The following MUC4 variants were observed in gnomAD, a reference collection of about 807,000 sequenced individuals.
MUC4 encodes mucin-4.
In MUC4, 202 loss-of-function variants were observed where a neutral mutation model predicts 257.9. The observed-to-expected ratio is 0.78, with a 90% confidence interval of 0.70 to 0.88. The LOEUF (loss-of-function observed/expected upper bound fraction) is 0.88, where lower values mean the gene tolerates loss of function less well. Ranked by LOEUF, MUC4 falls within the 40% of genes least tolerant of loss-of-function variation. The probability of loss-of-function intolerance (pLI) is 0.00; values close to 1 mark genes in which losing one functional copy is unlikely to be tolerated. For synonymous variants in MUC4, 2,351 were observed against 2,757.1 expected, an observed-to-expected ratio of 0.85 and a Z score of 4.62; for missense variants, 5,976 against 6,513.7, an observed-to-expected ratio of 0.92 and a Z score of 2.84.
intron 12 of MUC4, among the ~76,000 whole-genome samples, chr3:195,763,197 G>C (rs1317768145): frequency 6.6e-6 from 1 of 152,250 alleles, no homozygotes; most frequent in Non-Finnish European, 1.5e-5. Context: ...TTCTTACTAG[G>C]AGAAAACCAA....
rs141572899 is a variant in MUC4, at chr3:195,793,076, T to C, written c.83-1579A>G. ...GCAGTAAACCACCATGGCACATATA[T>C]ACCTGTGTAACAAACCTGCACGTTC... is the stretch of plus-strand genomic sequence containing the variant. On this transcript the variant is annotated intron_variant, in intron 1 of 24. Coordinates refer to ENST00000463781, the MANE Select transcript of MUC4 (RefSeq NM_018406.7). Among the ~76,000 whole-genome samples, 16 of 152,182 alleles carry C rather than the reference T, an allele frequency of 1.1e-4. 1 individual carries two copies. The East Asian group carries it at 3.1e-3, about 29-fold the overall frequency.
At position 195,783,845 on chromosome 3, in the gene MUC4, C is replaced by T; in HGVS notation, c.7735G>A (p.Val2579Ile). ...GTGGATGCTGAGGAAGTGCTGGTGA[C>T]AGGAAGAGGGGTGGCGTGACCTGTG... Reference protein sequence around the residue: ...ASTGHATPLPVTSTSSASTGD... With the variant: ...ASTGHATPLPITSTSSASTGD... Residue 2579 changes from valine to isoleucine, a missense_variant, in exon 2 of 25, where the codon GTC becomes ATC. Val to Ile is a conservative substitution (Grantham distance 29, BLOSUM62 3). Coordinates refer to ENST00000463781, the MANE Select transcript of MUC4 (RefSeq NM_018406.7). The T allele has an allele frequency of 6.7e-7, 1 of 1,487,910 alleles. No homozygotes were observed. Among genetic ancestry groups the T allele is most frequent in the Non-Finnish European group, 9.0e-7 (1 of 1,107,548 alleles). 92.2% of individuals were successfully genotyped at this position (1,487,910 alleles called of 1,614,324 possible).
At chr3:195,792,650 T>G (rs2550264) in intron 1 of MUC4, among the ~76,000 whole-genome samples, 23,401 of 152,184 alleles carry the variant, frequency 0.15, 2,463 homozygotes, top group South Asian at 0.33. Context: ...CAAAGGAATA[T>G]AAATCATTCT....
chr3:195,771,017 T>C (rs879228831), intron 5 of MUC4: 3,433 of 121,966 alleles, frequency 0.028, 23 homozygotes, highest in African/African-American at 0.098. Context: ...AGTCTCGTGG[T>C]TGGGTTGGGG....
chr3:195,768,944 G>T (rs1195739176), intron 7 of MUC4, 78 bp downstream of exon 7: 26 of 1,529,454 alleles, frequency 1.7e-5, no homozygotes, highest in Non-Finnish European at 8.9e-6. Flanking sequence ...CCCCAGGATG[G>T]GAGTGTGTGT....
Position 195,780,308 on chromosome 3 carries a change from C to G in MUC4, c.11272G>C (p.Ala3758Pro). ...GCGTCGGTGACAAGAAGAGGGGTGGCGTGACCTGTGGATGCTGAGGAAGTG... is the reference window on the plus strand; with the variant it reads ...GCGTCGGTGACAAGAAGAGGGGTGGGGTGACCTGTGGATGCTGAGGAAGTG... ...TSTSSASTGH[A>P]TPLLVTDASS... The change falls in exon 2 of 25, where the codon GCC becomes CCC. Residue 3758 changes from alanine to proline, a missense_variant. Physicochemically the swap from Ala to Pro is conservative, Grantham distance 27 (BLOSUM62 -1). Coordinates refer to ENST00000463781, the MANE Select transcript of MUC4 (RefSeq NM_018406.7). The G allele has an allele frequency of 6.7e-7, 1 of 1,490,984 alleles. No individual in the cohort carries two copies. The allele number at this position is 1,490,984 out of a possible 1,614,324, so 92.4% of individuals were successfully genotyped here. A position where few individuals can be genotyped will look rare whatever the true frequency, so the allele number is the denominator to read the frequency against.
chr3:195,770,929 C>T (rs901191209), intron 5 of MUC4: 16 of 453,756 alleles, frequency 3.5e-5, no homozygotes, highest in South Asian at 2.0e-4. Context: ...CCCCATCCCC[C>T]GTCACCTGTA....
chr3:195,772,420 G>T (rs12492222), intron 4 of MUC4, among the ~76,000 whole-genome samples: 2 of 127,664 alleles, frequency 1.6e-5, no homozygotes, highest in Admixed American at 7.5e-5. Flanking sequence ...TCATCGCTCA[G>T]GGGTGTAGAC....
At chr3:195,805,961 C>T (rs983364888) in intron 1 of MUC4, among the ~76,000 whole-genome samples, 1 of 151,512 alleles carries the variant, frequency 6.6e-6, no homozygotes, top group African/African-American at 2.4e-5. Flanking sequence ...ACTAAAAATA[C>T]AAAAATCAGC....
At chr3:195,752,921 G>T in intron 20 of MUC4, 130 bp downstream of exon 20, 1 of 883,422 alleles carries the variant, frequency 1.1e-6, no homozygotes, top group Non-Finnish European at 1.7e-6. Flanking sequence ...CACCATCCCA[G>T]AGAAATCTGG....
intron 7 of MUC4, 117 bp from the exon 8 acceptor site, chr3:195,766,868 A>T: frequency 1.3e-6 from 1 of 762,264 alleles, no homozygotes; most frequent in Non-Finnish European, 2.2e-6. Flanking sequence ...CTAGGCGGGC[A>T]GTGGGTCAGT....
In MUC4 at chr3:195,751,192, C is replaced by T; in HGVS notation, c.15647+15G>A. On this transcript the variant is annotated intron_variant, in intron 22 of 24. Coordinates refer to ENST00000463781, the MANE Select transcript of MUC4 (RefSeq NM_018406.7). Reference sequence around the variant, plus strand: ...GAAGAGATCTGGGGGCTTAGGGGGACACAGTCCCACTTACATTCGTTCCAC... The same window carrying T: ...GAAGAGATCTGGGGGCTTAGGGGGATACAGTCCCACTTACATTCGTTCCAC... The T allele has an allele frequency of 6.3e-7, 1 of 1,587,424 alleles. No homozygotes were observed. The highest frequency in any genetic ancestry group is 2.3e-5 in the East Asian group (1 of 43,850).
chr3:195,767,510 T>TCACCATCACCACCACCATCGCCAC (rs1720940025), intron 7 of MUC4, among the ~76,000 whole-genome samples: 1 of 35,438 alleles, frequency 2.8e-5, no homozygotes, highest in Non-Finnish European at 7.0e-5. Context: ...ACCACCACCA[T>TCACCATCACCACCACCATCGCCAC]CACCATCACC....
intron 1 of MUC4, among the ~76,000 whole-genome samples, chr3:195,799,551 C>G (rs1302472102): frequency 1.3e-5 from 2 of 152,160 alleles, no homozygotes; most frequent in African/African-American, 4.8e-5. Flanking sequence ...ATCCACTCAC[C>G]TCAGCCTCCC....
intron 23 of MUC4, 135 bp downstream of exon 23, chr3:195,750,754 A>C: frequency 4.8e-6 from 4 of 833,212 alleles, no homozygotes; most frequent in Non-Finnish European, 5.6e-6. Flanking sequence ...AAGCAGCTGG[A>C]CAAAATGTTC....
chr3:195,805,919 T>C (rs78199530), intron 1 of MUC4, among the ~76,000 whole-genome samples: 39,486 of 150,580 alleles, frequency 0.26, 6,662 homozygotes, highest in African/African-American at 0.48. Flanking sequence ...AGTTCGAGAC[T>C]AGCCTGACCA....
chr3:195,763,715 G>A lies in MUC4; in HGVS notation c.14045-74C>T. The stretch of plus-strand genomic sequence containing the variant: ...GGCTGAGGTTCCTCACTGCAGTCAG[G>A]TGCGGCACTTGTCCAGGAGGACTCA... On this transcript the variant is annotated intron_variant, in intron 11 of 24. Transcript: ENST00000463781. The A allele has an allele frequency of 3.7e-6, 5 of 1,358,932 alleles. No homozygotes were observed. The South Asian group carries it at 7.9e-5, about 21-fold the overall frequency. The allele number at this position is 1,358,932 out of a possible 1,614,324, so 84.2% of individuals were successfully genotyped here.
Position 195,748,981 on chromosome 3 carries a change from T to G in MUC4, c.15955A>C (p.Thr5319Pro). Residue 5319 changes from threonine (T) to proline (P), a missense_variant, in exon 24 of 25, where the codon ACC becomes CCC. This residue lies in a region of MUC4 where 310 missense variants were observed against 242.1 expected (regional missense o/e 1.28). Coordinates refer to ENST00000463781, the MANE Select transcript of MUC4 (RefSeq NM_018406.7). ...DLVYSPQSGFTCVSPCSRGYC... is the reference protein window; with the variant it reads ...DLVYSPQSGFPCVSPCSRGYC... The stretch of plus-strand genomic sequence containing the variant: ...CCCCTACTGCACGGGGACACGCAGG[T>G]GAAGCCGCTCTGGGGGCTGTAGACC... 2 of 1,609,930 alleles carry G rather than the reference T, an allele frequency of 1.2e-6. No individual in the cohort carries two copies. The highest frequency in any genetic ancestry group is 1.7e-6 in the Non-Finnish European group (2 of 1,178,104).
intron 1 of MUC4, among the ~76,000 whole-genome samples, chr3:195,811,512 T>C (rs749222604): frequency 3.3e-5 from 5 of 151,966 alleles, no homozygotes; most frequent in Non-Finnish European, 7.4e-5. Context: ...TTCCTCTTCT[T>C]TCCCTCTCTG....
Sources: allele counts gnomAD v4.1 joint callset (sites outside exome capture counted in the v4.1 genomes callset), GRCh38; gene constraint gnomAD v4.1.1; regional missense constraint gnomAD v4.1.1; transcripts MANE v1.5; gene names NCBI Gene and HGNC (gene_info 2026-07-23, HGNC 2026-07-21).